The following USP34 variants were observed in gnomAD, a reference collection of about 807,000 sequenced individuals.
The protein encoded by USP34 is ubiquitin specific peptidase 34.
A neutral mutation model predicts 460.3 loss-of-function variants in USP34; 70 were observed. The ratio of observed to expected loss-of-function variants is 0.15; its 90% CI spans 0.13 to 0.19. USP34 has a LOEUF of 0.19. Ranked by LOEUF, USP34 falls within the 10% of genes least tolerant of loss-of-function variation. USP34 has a pLI of 1.00. For missense variants in USP34, 3,985 were observed against 4,236.2 expected (o/e 0.94, Z 1.65); for synonymous variants, 1,647 against 1,405.3 (o/e 1.17, Z -3.85).
At chr2:61,199,828 A>T (rs960096070) in intron 75 of USP34, among the ~76,000 whole-genome samples, 1 of 152,236 alleles carries the variant, frequency 6.6e-6, no homozygotes, top group Non-Finnish European at 1.5e-5. Flanking sequence ...TAAGGGAGAA[A>T]AACATCTACA....
intron 1 of USP34, among the ~76,000 whole-genome samples, chr2:61,469,719 G>A (rs1355540777): frequency 2.6e-5 from 4 of 152,218 alleles, no homozygotes; most frequent in Non-Finnish European, 5.9e-5. Flanking sequence ...CTGTTCATAA[G>A]TGAGCATTTT....
chr2:61,326,622 G>A (rs1241118750), intron 20 of USP34, among the ~76,000 whole-genome samples: 1 of 152,008 alleles, frequency 6.6e-6, no homozygotes, highest in Non-Finnish European at 1.5e-5. Flanking sequence ...AAGTACTTGA[G>A]CACTCAATGA....
chr2:61,424,709 CTATT>C (rs1694460106), intron 1 of USP34, among the ~76,000 whole-genome samples: 1 of 152,112 alleles, frequency 6.6e-6, no homozygotes, highest in East Asian at 1.9e-4. Flanking sequence ...GACCCCCTCT[CTATT>C]TAAGAAAAAA....
rs1444119732 is a variant in USP34 at position 61,204,614 on chromosome 2, A to G, written c.9155-13T>C. On this transcript the variant is annotated splice_polypyrimidine_tract_variant and intron_variant, in intron 72 of 79. Coordinates refer to ENST00000398571, the MANE Select transcript of USP34 (RefSeq NM_014709.4). Reference sequence around the variant, plus strand: ...TCCTTGAGGACATCTGAAAATAAAAACAAAGTTTGGGTAGCAAAAAATTAA... The same window carrying G: ...TCCTTGAGGACATCTGAAAATAAAAGCAAAGTTTGGGTAGCAAAAAATTAA... 1.2e-6 allele frequency: 2 copies of G among 1,608,682 alleles called. No homozygotes were observed. The highest frequency in any genetic ancestry group is 2.7e-5 in the African/African-American group (2 of 74,796).
chr2:61,319,252 T>C lies in USP34; in HGVS notation c.3089A>G (p.His1030Arg), dbSNP rs1389432364. Residue 1030 changes from histidine (H) to arginine (R), a missense_variant, in exon 22 of 80, where the codon CAT (histidine) becomes CGT (arginine). Around this residue, in one of 14 missense-constraint regions of USP34, gnomAD observed 1,114 missense variants for 1,122.5 expected, o/e 0.99. Transcript: ENST00000398571. ...ACTTCGAACTTGATTTAAAAACCAA[T>C]GGAGTGCATCATCATAACATTCAGA... The part of the protein sequence containing the change: ...EDSECYDDAL[H>R]WFLNQVRSKD... 1.3e-6 allele frequency: 2 copies of C among 1,594,414 alleles called. No individual in the cohort carries two copies. The highest frequency in any genetic ancestry group is 1.4e-5 in the African/African-American group (1 of 74,032).
chr2:61,340,202 A>G (rs1691547527), intron 16 of USP34, among the ~76,000 whole-genome samples: 1 of 131,284 alleles, frequency 7.6e-6, no homozygotes, highest in African/African-American at 2.9e-5. Context: ...TAATCCCTAT[A>G]TTTAAAAAAA....
At chr2:61,287,628 T>G (rs970161293) in intron 34 of USP34, among the ~76,000 whole-genome samples, 1 of 152,202 alleles carries the variant, frequency 6.6e-6, no homozygotes, top group Non-Finnish European at 1.5e-5. Context: ...CATTTCCACT[T>G]GAAGAACAGT....
At chr2:61,342,028 T>C (rs1691619361) in intron 16 of USP34, among the ~76,000 whole-genome samples, 1 of 151,938 alleles carries the variant, frequency 6.6e-6, no homozygotes, top group Non-Finnish European at 1.5e-5. Context: ...CTCCCAAAGT[T>C]CTGGGATTAC....
chr2:61,309,258 T>G (rs1690511948), intron 27 of USP34, among the ~76,000 whole-genome samples: 1 of 152,122 alleles, frequency 6.6e-6, no homozygotes, highest in Non-Finnish European at 1.5e-5. Flanking sequence ...TAAAAAACAT[T>G]CCTCTGTCAG....
At chr2:61,453,134 G>T (rs2104071589) in intron 1 of USP34, among the ~76,000 whole-genome samples, 1 of 152,208 alleles carries the variant, frequency 6.6e-6, no homozygotes, top group South Asian at 2.1e-4. Flanking sequence ...ATCTAGGCTG[G>T]GCACTGTGGC....
intron 1 of USP34, among the ~76,000 whole-genome samples, chr2:61,438,110 A>T (rs539422766): frequency 1.9e-3 from 292 of 152,318 alleles, no homozygotes; most frequent in Non-Finnish European, 3.2e-3. Flanking sequence ...TCTGAACAGA[A>T]TTCTGGCAAA....
chr2:61,378,932 A>AAAAAAAAAAAAAAAC (rs1692884679), intron 7 of USP34, among the ~76,000 whole-genome samples: 2 of 150,656 alleles, frequency 1.3e-5, no homozygotes, highest in Non-Finnish European at 3.0e-5. Context: ...AAAAAAAAAA[A>AAAAAAAAAAAAAAAC]AAAAACAACA....
At chr2:61,296,955 A>C (rs756489267) in intron 29 of USP34, 30 bp from the exon 30 acceptor site, 2 of 1,575,966 alleles carry the variant, frequency 1.3e-6, no homozygotes, top group South Asian at 1.2e-5. Context: ...TACTTTATCA[A>C]AACAGATCAG....
At chr2:61,308,750 C>T (rs1285824700) in intron 27 of USP34, among the ~76,000 whole-genome samples, 1 of 152,074 alleles carries the variant, frequency 6.6e-6, no homozygotes, top group Non-Finnish European at 1.5e-5. Context: ...AGAAAAAATA[C>T]TACATGTTGG....
At chr2:61,261,928 C>A (rs1161087109) in intron 43 of USP34, among the ~76,000 whole-genome samples, 1 of 151,344 alleles carries the variant, frequency 6.6e-6, no homozygotes, top group East Asian at 1.9e-4. Flanking sequence ...GATGGTTAAA[C>A]CCTGTCTCTG....
chr2:61,221,354 G>A, intron 66 of USP34, 148 bp downstream of exon 66: 1 of 663,896 alleles, frequency 1.5e-6, no homozygotes, highest in Non-Finnish European at 2.5e-6. Context: ...TAGGAGACTA[G>A]CTAGGAACTC....
At chr2:61,298,250 A>C (rs1690095445) in intron 29 of USP34, among the ~76,000 whole-genome samples, 1 of 150,570 alleles carries the variant, frequency 6.6e-6, no homozygotes, top group Non-Finnish European at 1.5e-5. Flanking sequence ...AGCTGGGTGC[A>C]GTGGCTCCCA....
Position 61,395,171 on chromosome 2 carries a change from G to A in USP34, c.603+12C>T, listed in dbSNP as rs1693479650. 2.0e-6 allele frequency: 3 copies of A among 1,492,496 alleles called. No homozygotes were observed. The highest frequency in any genetic ancestry group is 2.7e-6 in the Non-Finnish European group (3 of 1,096,058). The allele number at this position is 1,492,496 out of a possible 1,614,324, so 92.5% of individuals were successfully genotyped here. On this transcript the variant is annotated intron_variant, in intron 4 of 79. Coordinates refer to ENST00000398571, the MANE Select transcript of USP34 (RefSeq NM_014709.4). Reference sequence around the variant, plus strand: ...AATTTTCCATAAAAGAATAAAAAAGGTAAACACTTACATTCATATCACAGA... The same window carrying A: ...AATTTTCCATAAAAGAATAAAAAAGATAAACACTTACATTCATATCACAGA...
intron 27 of USP34, among the ~76,000 whole-genome samples, chr2:61,305,661 A>C (rs1019065722): frequency 6.6e-6 from 1 of 152,176 alleles, no homozygotes; most frequent in African/African-American, 2.4e-5. Flanking sequence ...AGTTTGATAA[A>C]AGTTATAATC....
Sources: gnomAD v4.1 joint callset for allele counts (sites outside exome capture counted in the v4.1 genomes callset) on GRCh38, gnomAD v4.1.1 for gene constraint, gnomAD v4.1.1 regional missense constraint, MANE v1.5 for transcripts, NCBI Gene and HGNC (gene_info 2026-07-23, HGNC 2026-07-21) for gene names.